PSMB1: variants seen among roughly 807,000 people sequenced by gnomAD.
The protein encoded by PSMB1 is proteasome 20S subunit beta 1.
Under a neutral mutation model 25.4 loss-of-function variants are expected in PSMB1, and 7 were observed. The observed-to-expected ratio is 0.28, with a 90% CI of 0.16 to 0.52. PSMB1 has a LOEUF of 0.52. Ranked by LOEUF, PSMB1 falls within the 20% of genes least tolerant of loss-of-function variation. The pLI is 0.97. For missense variants in PSMB1, 284 were observed against 302.2 expected, an observed-to-expected ratio of 0.94 and a Z score of 0.45; for synonymous variants, 119 against 115.0, an observed-to-expected ratio of 1.03 and a Z score of -0.22.
intron 5 of PSMB1, 50 bp from the exon 6 acceptor site, chr6:170,535,455 AG>A (rs1312224665): frequency 4.0e-6 from 6 of 1,507,246 alleles, no homozygotes; most frequent in Non-Finnish European, 5.5e-6. Context: ...GTGAGCACAA[AG>A]GAAAGGTTCA....
rs751936241 is a variant in PSMB1 at position 170,553,152 on chromosome 6, A to T, written c.91T>A (p.Ser31Thr). ...RAAGPLQLRFSPYVFNGGTIL... is the reference protein window; with the variant it reads ...RAAGPLQLRFTPYVFNGGTIL... ...TACCCTCCGTTGAAAACGTAGGGCG[A>T]AAATCGCAGCTGCAAAGGGCCCGCG... is the stretch of plus-strand genomic sequence containing the variant. The change falls in exon 1 of 6, where the codon TCG becomes ACG. Residue 31 changes from serine to threonine, a missense_variant. By Grantham distance (58) the Ser-to-Thr change is moderately conservative (BLOSUM62 1). Coordinates refer to ENST00000262193, the MANE Select transcript of PSMB1 (RefSeq NM_002793.4). 9.3e-6 allele frequency: 15 copies of T among 1,613,200 alleles called. No individual in the cohort carries two copies. Among genetic ancestry groups the T allele is most frequent in the Non-Finnish European group, 1.3e-5 (15 of 1,179,634 alleles).
In PSMB1 at chr6:170,537,432, C is replaced by T. The variant is rs75538504; in HGVS notation, c.434-92G>A. ...AATCAGGTCAAAACGTGACACAAAACGGACTATCACCTTGGCTAAAACTTC... is the reference window on the plus strand; with the variant it reads ...AATCAGGTCAAAACGTGACACAAAATGGACTATCACCTTGGCTAAAACTTC... On this transcript the variant is annotated intron_variant, in intron 4 of 5. Coordinates refer to ENST00000262193, the MANE Select transcript of PSMB1 (RefSeq NM_002793.4). 0.017 allele frequency: 16,274 copies of T among 982,164 alleles called. 1,681 individuals are homozygous for T. In the African/African-American group the frequency reaches 0.23, roughly 14 times the overall value. The allele number at this position is 982,164 out of a possible 1,614,324, so 60.8% of individuals were successfully genotyped here.
chr6:170,540,926 GA>G lies in PSMB1; in HGVS notation c.433+2674del, dbSNP rs1214519568. Among the ~76,000 whole-genome samples, 8 of 152,078 alleles carry G rather than the reference GA, an allele frequency of 5.3e-5. 1 individual carries two copies. The highest frequency in any genetic ancestry group is 2.1e-4 in the South Asian group (1 of 4,828). ...TCCAGGTGGTTGTGGAGAAGGTGCA[GA>G]GGGGTAGGGGAGGAGGAGAGGAAAG... On this transcript the variant is annotated intron_variant, in intron 4 of 5. Coordinates refer to ENST00000262193, the MANE Select transcript of PSMB1 (RefSeq NM_002793.4).
intron 4 of PSMB1, among the ~76,000 whole-genome samples, chr6:170,542,639 G>A (rs1778770722): frequency 6.6e-6 from 1 of 152,174 alleles, no homozygotes; most frequent in Non-Finnish European, 1.5e-5. Context: ...TTTTCCTGCT[G>A]TCTGCTGAGA....
At chr6:170,550,858 C>G (rs1408792947) in intron 1 of PSMB1, among the ~76,000 whole-genome samples, 5 of 135,930 alleles carry the variant, frequency 3.7e-5, no homozygotes, top group Non-Finnish European at 7.7e-5. Context: ...GAGAGGAGGC[C>G]GGGCACGGTG....
chr6:170,536,167 T>C (rs964888506), intron 5 of PSMB1: 3 of 317,840 alleles, frequency 9.4e-6, no homozygotes, highest in African/African-American at 6.5e-5. Flanking sequence ...CACTGAGAAG[T>C]TTTTGGAGAC....
chr6:170,538,248 C>T (rs74473420), intron 4 of PSMB1, among the ~76,000 whole-genome samples: 3,096 of 152,214 alleles, frequency 0.02, 113 homozygotes, highest in African/African-American at 0.071. Flanking sequence ...TGAGAAATCA[C>T]GAGTCATTTA....
At chr6:170,546,619 C>A (rs1583115874) in intron 2 of PSMB1, among the ~76,000 whole-genome samples, 1 of 152,174 alleles carries the variant, frequency 6.6e-6, no homozygotes. Flanking sequence ...GCACCCGCCA[C>A]CACACCCAGC....
chr6:170,551,148 T>C (rs762769293), intron 1 of PSMB1, among the ~76,000 whole-genome samples: 5 of 151,776 alleles, frequency 3.3e-5, no homozygotes, highest in Non-Finnish European at 5.9e-5. Flanking sequence ...TCTCAAAAAA[T>C]AAGAAGAAAG....
chr6:170,549,119 GA>G lies in PSMB1; in HGVS notation c.114-7del. Reference sequence around the variant, plus strand: ...CAGCAATTGCCAGTATAGTACTGAGGAAAAAAGAAAAAAATTAATTCTCCAG... The same window carrying G: ...CAGCAATTGCCAGTATAGTACTGAGGAAAAAGAAAAAAATTAATTCTCCAG... On this transcript the variant is annotated splice_region_variant and splice_polypyrimidine_tract_variant and intron_variant, in intron 1 of 5. Coordinates refer to ENST00000262193, the MANE Select transcript of PSMB1 (RefSeq NM_002793.4). The G allele has an allele frequency of 6.5e-7, 1 of 1,549,084 alleles. No individual in the cohort carries two copies. Among genetic ancestry groups the G allele is most frequent in the Admixed American group, 1.7e-5 (1 of 59,238 alleles).
intron 5 of PSMB1, among the ~76,000 whole-genome samples, 165 bp downstream of exon 5, chr6:170,537,069 G>C (rs755357343): frequency 2.0e-5 from 3 of 152,164 alleles, no homozygotes; most frequent in Non-Finnish European, 4.4e-5. Context: ...GAGACCATGA[G>C]GTTTCTGTAG....
intron 3 of PSMB1, 61 bp downstream of exon 3, chr6:170,546,042 A>T: frequency 7.0e-7 from 1 of 1,431,318 alleles, no homozygotes; most frequent in Non-Finnish European, 9.6e-7. Context: ...CTGTAGGCTT[A>T]AAAGAATTTA....
rs1583114689 is a variant in PSMB1, at chr6:170,543,668, T to G, written c.366A>C (p.Thr122=). ...TTGAIAAMLS[T]ILYSRRFFPY... ...GAAAGAAGCGCCTTGAATACAGGAT[T>G]GTAGACAGCATTGCAGCAATTGCCC... Residue 122 remains threonine, a synonymous_variant, in exon 4 of 6, where the codon ACA becomes ACC. Coordinates refer to ENST00000262193, the MANE Select transcript of PSMB1 (RefSeq NM_002793.4). 1 of 1,611,766 alleles carries G rather than the reference T, an allele frequency of 6.2e-7. No homozygotes were observed. Among genetic ancestry groups the G allele is most frequent in the Non-Finnish European group, 8.5e-7 (1 of 1,177,874 alleles).
rs114695373 is a variant in PSMB1 at position 170,547,080 on chromosome 6, A to G, written c.222-896T>C. Among the ~76,000 whole-genome samples the G allele has an allele frequency of 1.8e-3, 276 of 152,346 alleles. 1 individual carries two copies. The highest frequency in any genetic ancestry group is 5.9e-3 in the African/African-American group (246 of 41,590). On this transcript the variant is annotated intron_variant, in intron 2 of 5. Transcript: ENST00000262193. ...CAAATCTCAAAAAGAGACTATTTCA[A>G]CCAATTATACTGGCTAAAAATGCCT...
At chr6:170,553,046 G>T in intron 1 of PSMB1, 84 bp downstream of exon 1, 1 of 1,216,754 alleles carries the variant, frequency 8.2e-7, no homozygotes. Flanking sequence ...CCGGGGCAGC[G>T]CCATCACGGC....
intron 4 of PSMB1, 98 bp downstream of exon 4, chr6:170,543,503 G>T (rs1778779821): frequency 1.0e-5 from 12 of 1,187,854 alleles, no homozygotes; most frequent in Non-Finnish European, 1.4e-5. Context: ...AATTGTGTCA[G>T]ATGGTATTTA....
Position 170,546,111 on chromosome 6 carries a change from T to G in PSMB1, c.295A>C (p.Arg99=), listed in dbSNP as rs1778814448. The G allele has an allele frequency of 6.2e-7, 1 of 1,612,638 alleles. No homozygotes were observed. Among genetic ancestry groups the G allele is most frequent in the East Asian group, 2.2e-5 (1 of 44,852 alleles). The change falls in exon 3 of 6, where the codon AGA becomes CGA. Residue 99 remains arginine (R), a synonymous_variant. Transcript: ENST00000262193. ...CLTLTKIIEA[R]LKMYKHSNNK... is the part of the protein sequence containing the mutation. ...TGTACAAAAGCATCTACCTTTAGTC[T>G]TGCTTCAATAATCTTTGTCAGCGTA...
chr6:170,548,684 A>C (rs965126239), intron 2 of PSMB1, among the ~76,000 whole-genome samples: 3 of 152,188 alleles, frequency 2.0e-5, no homozygotes, highest in African/African-American at 7.2e-5. Context: ...GGACATTATC[A>C]CAGCAGTGGG....
Position 170,553,232 on chromosome 6 carries a change from G to C in PSMB1, c.11C>G (p.Ser4Cys), listed in dbSNP as rs779662101. MLSSTAMYSAPGRD... is the reference protein window; with the variant it reads MLSCTAMYSAPGRD... ...GCCAGGAGCCGAATACATGGCTGTA[G>C]AGGACAACATCGCACGGCTGCGCCT... The change falls in exon 1 of 6, where the codon TCT (serine) becomes TGT (cysteine). Residue 4 changes from serine (S) to cysteine (C), a missense_variant. Transcript: ENST00000262193. The C allele has an allele frequency of 2.5e-6, 4 of 1,611,982 alleles. No individual in the cohort carries two copies. The highest frequency in any genetic ancestry group is 3.4e-6 in the Non-Finnish European group (4 of 1,178,938).
Sources: allele counts gnomAD v4.1 joint callset (sites outside exome capture counted in the v4.1 genomes callset), GRCh38; gene constraint gnomAD v4.1.1; transcripts MANE v1.5; gene names NCBI Gene and HGNC (gene_info 2026-07-23, HGNC 2026-07-21).